Variants in UBE2H observed in about 807,000 individuals in gnomAD.
UBE2H encodes the protein ubiquitin-conjugating enzyme E2 H.
A neutral mutation model predicts 29.0 loss-of-function variants in UBE2H; 3 were observed. The ratio of observed to expected loss-of-function variants is 0.10; its 90% confidence interval spans 0.05 to 0.27. UBE2H has a LOEUF of 0.27. UBE2H is among the 10% of genes least tolerant of loss of function. The probability of loss-of-function intolerance (pLI) is 1.00; values close to 1 mark genes in which losing one functional copy is unlikely to be tolerated. For synonymous variants in UBE2H, 69 were observed against 82.9 expected (o/e 0.83, Z 0.91); for missense variants, 68 against 228.2 (o/e 0.30, Z 4.52).
At chr7:129,937,510 G>A (rs1015704300) in intron 1 of UBE2H, among the ~76,000 whole-genome samples, 13 of 152,106 alleles carry the variant, frequency 8.5e-5, no homozygotes, top group Admixed American at 8.5e-4. Context: ...GAAAGAACTG[G>A]TTACTAACTA....
At chr7:129,838,220 A>G (rs77110462) in intron 6 of UBE2H, among the ~76,000 whole-genome samples, 167 of 152,368 alleles carry the variant, frequency 1.1e-3, no homozygotes, top group African/African-American at 3.6e-3. Context: ...TATCTCAACA[A>G]CAGCTCCAAA....
chr7:129,893,793 G>A (rs903477649), intron 1 of UBE2H, among the ~76,000 whole-genome samples: 1 of 152,130 alleles, frequency 6.6e-6, no homozygotes, highest in South Asian at 2.1e-4. Flanking sequence ...ATGTACAAAT[G>A]CATGTATATA....
chr7:129,855,851 C>T (rs773968000), intron 5 of UBE2H, among the ~76,000 whole-genome samples: 6 of 152,128 alleles, frequency 3.9e-5, no homozygotes, highest in African/African-American at 7.2e-5. Context: ...GAGCTATTAT[C>T]GCACCACTGC....
chr7:129,912,295 TG>T (rs1806952840), intron 1 of UBE2H, among the ~76,000 whole-genome samples: 2 of 152,198 alleles, frequency 1.3e-5, no homozygotes, highest in Non-Finnish European at 2.9e-5. Flanking sequence ...CTGAAATGCA[TG>T]GGACCAGAAA....
Position 129,858,944 on chromosome 7 carries a change from G to A in UBE2H, c.206-3C>T. Reference sequence around the variant, plus strand: ...ATGGAAAATTTTATTCATGAATCCTGTAAAAAGAGATGTTAATTAGCAGCA... The same window carrying A: ...ATGGAAAATTTTATTCATGAATCCTATAAAAAGAGATGTTAATTAGCAGCA... On this transcript the variant is annotated splice_polypyrimidine_tract_variant and splice_region_variant and intron_variant, in intron 3 of 6. Transcript: ENST00000355621. The A allele has an allele frequency of 6.2e-7, 1 of 1,608,974 alleles. No individual in the cohort carries two copies. Among genetic ancestry groups the A allele is most frequent in the East Asian group, 2.2e-5 (1 of 44,676 alleles).
At chr7:129,851,203 A>G (rs142174826) in intron 5 of UBE2H, among the ~76,000 whole-genome samples, 12 of 152,360 alleles carry the variant, frequency 7.9e-5, no homozygotes, top group Non-Finnish European at 1.5e-4. Context: ...CTTGTTCATC[A>G]AAAACACTGC....
intron 1 of UBE2H, among the ~76,000 whole-genome samples, chr7:129,928,919 A>G (rs1807328750): frequency 6.6e-6 from 1 of 152,270 alleles, no homozygotes; most frequent in Non-Finnish European, 1.5e-5. Context: ...TCTAGCATTG[A>G]AATCTAGTTT....
intron 1 of UBE2H, among the ~76,000 whole-genome samples, chr7:129,899,429 C>T (rs1806664619): frequency 6.6e-6 from 1 of 152,236 alleles, no homozygotes; most frequent in Non-Finnish European, 1.5e-5. Context: ...AACACCACCT[C>T]AATTGCCAAA....
intron 1 of UBE2H, among the ~76,000 whole-genome samples, chr7:129,896,332 G>A (rs1417307893): frequency 2.6e-5 from 4 of 151,042 alleles, no homozygotes; most frequent in African/African-American, 4.9e-5. Flanking sequence ...GTGAGACTCC[G>A]TCTCAAAAAA....
At chr7:129,876,686 C>T (rs78125572) in intron 3 of UBE2H, among the ~76,000 whole-genome samples, 9,523 of 152,226 alleles carry the variant, frequency 0.063, 370 homozygotes, top group Non-Finnish European at 0.092. Flanking sequence ...TTTGCCATCA[C>T]TTATGATACT....
chr7:129,928,654 A>G (rs908785945), intron 1 of UBE2H, among the ~76,000 whole-genome samples: 3 of 152,238 alleles, frequency 2.0e-5, no homozygotes, highest in African/African-American at 7.2e-5. Flanking sequence ...AAATAACTAG[A>G]AGAGTGGATT....
At chr7:129,909,606 A>G (rs1806888817) in intron 1 of UBE2H, among the ~76,000 whole-genome samples, 1 of 152,172 alleles carries the variant, frequency 6.6e-6, no homozygotes, top group African/African-American at 2.4e-5. Flanking sequence ...CTGTAATCTT[A>G]GCACTTTGGG....
intron 1 of UBE2H, among the ~76,000 whole-genome samples, chr7:129,945,102 T>C (rs535430817): frequency 2.1e-4 from 32 of 151,942 alleles, no homozygotes; most frequent in Non-Finnish European, 3.7e-4. Flanking sequence ...ATGAGATCAA[T>C]GGTTGGAAGG....
Position 129,880,875 on chromosome 7 carries a change from A to G in UBE2H, c.130+20T>C, listed in dbSNP as rs372459108. On this transcript the variant is annotated intron_variant, in intron 2 of 6. Transcript: ENST00000355621. ...GTAAAAGACTGTAATAGAAGAACAC[A>G]TACCAACACATGTACTTACTTCCTT... 2 of 1,598,526 alleles carry G rather than the reference A, an allele frequency of 1.3e-6. No individual in the cohort carries two copies. The highest frequency in any genetic ancestry group is 2.7e-5 in the African/African-American group (2 of 74,530).
intron 1 of UBE2H, among the ~76,000 whole-genome samples, chr7:129,933,919 T>C (rs991124466): frequency 3.9e-5 from 6 of 152,220 alleles, no homozygotes; most frequent in Non-Finnish European, 7.4e-5. Context: ...CACCTTTAAC[T>C]GACCTGTGTG....
chr7:129,870,138 G>T (rs1479512173), intron 3 of UBE2H, among the ~76,000 whole-genome samples: 1 of 151,914 alleles, frequency 6.6e-6, no homozygotes, highest in East Asian at 1.9e-4. Flanking sequence ...TGCCTCAACA[G>T]CTTGCACACA....
In UBE2H at chr7:129,832,690, C is replaced by T. The variant is rs576373098; in HGVS notation, c.*2247G>A. ...AGTCATGGCACTGCTCACACACCTT[C>T]CCGAAACTGGGGTCTATTCAGTTTT... On this transcript the variant is annotated 3_prime_UTR_variant, in exon 7 of 7. Transcript: ENST00000355621. 5.3e-5 allele frequency: 8 copies of T among 152,244 alleles called. No homozygotes were observed. The South Asian group carries it at 1.7e-3, about 32-fold the overall frequency. 9.4% of individuals were successfully genotyped at this position (152,244 alleles called of 1,614,324 possible). A position where few individuals can be genotyped will look rare whatever the true frequency, so the allele number is the denominator to read the frequency against.
At chr7:129,861,077 T>C (rs765612541) in intron 3 of UBE2H, among the ~76,000 whole-genome samples, 1 of 151,890 alleles carries the variant, frequency 6.6e-6, no homozygotes, top group Admixed American at 6.6e-5. Flanking sequence ...AATAAAAAAT[T>C]AGCTGAGTGT....
chr7:129,925,797 C>G (rs1455789317), intron 1 of UBE2H, among the ~76,000 whole-genome samples: 1 of 152,170 alleles, frequency 6.6e-6, no homozygotes, highest in African/African-American at 2.4e-5. Context: ...AGAAGCGATG[C>G]CTTTAAGATT....
Sources: allele counts gnomAD v4.1 joint callset (sites outside exome capture counted in the v4.1 genomes callset), GRCh38; gene constraint gnomAD v4.1.1; transcripts MANE v1.5; gene names NCBI Gene and HGNC (gene_info 2026-07-23, HGNC 2026-07-21).